The following DTWD2 variants were observed in gnomAD, a reference collection of about 807,000 sequenced individuals.
The protein encoded by DTWD2 is DTW motif tRNA-uridine aminocarboxypropyltransferase 2.
Under a neutral mutation model 31.8 loss-of-function variants are expected in DTWD2, and 39 were observed. The ratio of observed to expected loss-of-function variants is 1.22; its 90% CI spans 0.95 to 1.60. The LOEUF (loss-of-function observed/expected upper bound fraction) is 1.60. Among genes scored for constraint, DTWD2 ranks in the 40% most tolerant of loss-of-function variants. DTWD2 has a pLI of 0.00. For missense variants in DTWD2, 515 were observed against 381.5 expected (o/e 1.35, Z -2.92); for synonymous variants, 180 against 142.8 (o/e 1.26, Z -1.86).
intron 1 of DTWD2, among the ~76,000 whole-genome samples, chr5:118,973,075 C>G (rs918242271): frequency 2.2e-5 from 3 of 136,522 alleles, no homozygotes; most frequent in Non-Finnish European, 4.8e-5. Flanking sequence ...AGGATTGCAA[C>G]CCCCTTTTTT....
At chr5:118,854,153 CATT>C (rs903351489) in intron 4 of DTWD2, among the ~76,000 whole-genome samples, 2 of 152,080 alleles carry the variant, frequency 1.3e-5, no homozygotes, top group African/African-American at 4.8e-5. Flanking sequence ...CATTTTTTCA[CATT>C]ATGAAAAATG....
At chr5:118,959,283 T>C (rs1418133422) in intron 1 of DTWD2, among the ~76,000 whole-genome samples, 4 of 152,100 alleles carry the variant, frequency 2.6e-5, no homozygotes, top group Non-Finnish European at 5.9e-5. Context: ...AAAAAATCAG[T>C]AGCATTTCTA....
chr5:118,946,580 C>G (rs138687461), intron 1 of DTWD2, among the ~76,000 whole-genome samples: 1 of 152,276 alleles, frequency 6.6e-6, no homozygotes, highest in African/African-American at 2.4e-5. Flanking sequence ...AAACATGTTT[C>G]TCCAACATAA....
chr5:118,963,329 G>C (rs1438686056), intron 1 of DTWD2, among the ~76,000 whole-genome samples: 1 of 152,220 alleles, frequency 6.6e-6, no homozygotes, highest in South Asian at 2.1e-4. Context: ...AGAAAGCACA[G>C]ATGAGGGAGG....
At chr5:118,845,705 A>C (rs1377019255) in intron 5 of DTWD2, among the ~76,000 whole-genome samples, 2 of 152,160 alleles carry the variant, frequency 1.3e-5, no homozygotes, top group Admixed American at 6.6e-5. Flanking sequence ...TTTATGTTTA[A>C]TTTTATCTAC....
At chr5:118,856,053 C>T (rs1336902950) in intron 4 of DTWD2, among the ~76,000 whole-genome samples, 1 of 152,106 alleles carries the variant, frequency 6.6e-6, no homozygotes, top group Non-Finnish European at 1.5e-5. Context: ...GTATGCTCCT[C>T]CCAGTATACT....
intron 4 of DTWD2, among the ~76,000 whole-genome samples, chr5:118,885,456 C>CAAAAAA (rs34550372): frequency 3.5e-5 from 2 of 57,514 alleles, no homozygotes; most frequent in Non-Finnish European, 6.4e-5. Context: ...GACTCCACCT[C>CAAAAAA]AAAAAAAAAA....
At chr5:118,864,358 C>T (rs945060055) in intron 4 of DTWD2, among the ~76,000 whole-genome samples, 10 of 150,310 alleles carry the variant, frequency 6.7e-5, no homozygotes, top group Non-Finnish European at 1.0e-4. Flanking sequence ...GGAAGGGGAA[C>T]ATCACACTCT....
At chr5:118,845,069 C>T (rs998339502) in intron 5 of DTWD2, among the ~76,000 whole-genome samples, 3 of 152,082 alleles carry the variant, frequency 2.0e-5, no homozygotes, top group African/African-American at 7.2e-5. Flanking sequence ...ATCACTTAAA[C>T]CCAGGAGGCA....
intron 4 of DTWD2, among the ~76,000 whole-genome samples, chr5:118,918,112 A>G (rs1436138714): frequency 1.3e-5 from 2 of 152,188 alleles, no homozygotes; most frequent in African/African-American, 4.8e-5. Flanking sequence ...GTGGGGACAC[A>G]GCCAAACCAT....
intron 2 of DTWD2, among the ~76,000 whole-genome samples, chr5:118,942,447 T>A (rs73239083): frequency 0.011 from 1,690 of 152,168 alleles, 30 homozygotes; most frequent in African/African-American, 0.039. Flanking sequence ...CACACAGTGA[T>A]GAATGAATCA....
chr5:118,967,978 AAATGATC>A (rs775883393), intron 1 of DTWD2, among the ~76,000 whole-genome samples: 4 of 152,222 alleles, frequency 2.6e-5, no homozygotes, highest in Non-Finnish European at 5.9e-5. Context: ...TACATTAACC[AAATGATC>A]TATGTTAATT....
chr5:118,870,019 CCT>C (rs1450744633), intron 4 of DTWD2, among the ~76,000 whole-genome samples: 3 of 152,136 alleles, frequency 2.0e-5, no homozygotes, highest in Non-Finnish European at 2.9e-5. Context: ...CCTCTTGCTC[CCT>C]CTCTTGCCAT....
At chr5:118,907,423 T>C (rs1163567087) in intron 4 of DTWD2, among the ~76,000 whole-genome samples, 3 of 152,154 alleles carry the variant, frequency 2.0e-5, no homozygotes, top group Non-Finnish European at 4.4e-5. Context: ...ATCTGCAGTG[T>C]GAGCCAGCAG....
At chr5:118,856,849 T>C (rs1752147273) in intron 4 of DTWD2, among the ~76,000 whole-genome samples, 1 of 137,734 alleles carries the variant, frequency 7.3e-6, no homozygotes, top group Non-Finnish European at 1.5e-5. Context: ...CTCAGCTCAC[T>C]GCAACCTCTG....
chr5:118,848,846 C>T (rs1210284862), intron 4 of DTWD2, among the ~76,000 whole-genome samples: 1 of 152,144 alleles, frequency 6.6e-6, no homozygotes, highest in African/African-American at 2.4e-5. Context: ...AAACTGGACC[C>T]CTTCCTTAAA....
At chr5:118,873,995 G>C (rs761364354) in intron 4 of DTWD2, among the ~76,000 whole-genome samples, 4 of 152,230 alleles carry the variant, frequency 2.6e-5, no homozygotes, top group African/African-American at 9.6e-5. Context: ...CCCAAGTGCA[G>C]TGGATTCCAA....
intron 4 of DTWD2, among the ~76,000 whole-genome samples, chr5:118,903,872 G>T (rs1195090559): frequency 6.6e-6 from 1 of 151,104 alleles, no homozygotes; most frequent in Non-Finnish European, 1.5e-5. Flanking sequence ...GAGTTAAAAA[G>T]AAATAAGTTA....
chr5:118,925,228 C>G (rs1753784364), intron 4 of DTWD2, among the ~76,000 whole-genome samples: 1 of 152,134 alleles, frequency 6.6e-6, no homozygotes, highest in South Asian at 2.1e-4. Flanking sequence ...AGCACTAAAG[C>G]TTTTCATAAT....
Sources: gnomAD v4.1 joint callset for allele counts (sites outside exome capture counted in the v4.1 genomes callset) on GRCh38, gnomAD v4.1.1 for gene constraint, MANE v1.5 for transcripts, NCBI Gene and HGNC (gene_info 2026-07-23, HGNC 2026-07-21) for gene names.